Variants in PIK3CD observed in about 807,000 individuals in gnomAD.
PIK3CD encodes the protein phosphatidylinositol 4,5-bisphosphate 3-kinase catalytic subunit delta isoform.
Under a neutral mutation model 122.9 loss-of-function variants are expected in PIK3CD, and 20 were observed. The observed-to-expected ratio is 0.16, with a 90% CI of 0.11 to 0.24. PIK3CD has a LOEUF of 0.24. Ranked by LOEUF, PIK3CD falls within the 10% of genes least tolerant of loss-of-function variation. The probability of loss-of-function intolerance (pLI) is 1.00; values close to 1 mark genes in which losing one functional copy is unlikely to be tolerated. For missense variants in PIK3CD, 787 were observed against 1,406.3 expected (o/e 0.56, Z 7.04); for synonymous variants, 596 against 593.4 (o/e 1.00, Z -0.06).
chr1:9,722,400 G>A lies in PIK3CD; in HGVS notation c.2347+44G>A, dbSNP rs772407369. ...CACACCCCGCCTGTACTGCCCTGGG[G>A]GGTCCTGGGGTGCTCCTAGAGTGGG... On this transcript the variant is annotated intron_variant, in intron 18 of 23. Coordinates refer to ENST00000377346, the MANE Select transcript of PIK3CD (RefSeq NM_005026.5). This position sits in a 1 kb window ranked among gnomAD's most constrained non-coding sequence, Gnocchi z 7.6. 4.5e-6 allele frequency: 7 copies of A among 1,569,282 alleles called. No homozygotes were observed. In the African/African-American group the frequency reaches 6.8e-5, roughly 15 times the overall value.
intron 1 of PIK3CD, chr1:9,680,846 A>G (rs1645721350): frequency 6.6e-6 from 1 of 152,232 alleles, no homozygotes; most frequent in Admixed American, 6.5e-5. Flanking sequence ...CACTTGGCAG[A>G]CTGAACAGCA....
At chr1:9,709,699 G>GT (rs1180029133) in intron 2 of PIK3CD, among the ~76,000 whole-genome samples, 4 of 151,262 alleles carry the variant, frequency 2.6e-5, no homozygotes, top group Non-Finnish European at 5.9e-5. Context: ...GTGAGACCCT[G>GT]TTTCAAAAAA....
intron 2 of PIK3CD, among the ~76,000 whole-genome samples, chr1:9,707,741 C>A (rs1476820423): frequency 6.6e-6 from 1 of 151,562 alleles, no homozygotes; most frequent in Non-Finnish European, 1.5e-5. Context: ...AGAGATAAAA[C>A]GAATGAACTA....
chr1:9,631,345 C>T, the PIK3CD span, among the ~76,000 whole-genome samples: 1 of 152,180 alleles, frequency 6.6e-6, no homozygotes, highest in Non-Finnish European at 1.5e-5. Context: ...GGGTACATGA[C>T]AAAGGATTAC....
intron 3 of PIK3CD, among the ~76,000 whole-genome samples, chr1:9,712,054 G>A (rs1425808948): frequency 2.2e-4 from 34 of 151,598 alleles, no homozygotes; most frequent in Admixed American, 2.1e-3. Context: ...CCACCACCAC[G>A]CCCGGCTAAT....
intron 2 of PIK3CD, among the ~76,000 whole-genome samples, chr1:9,695,782 C>T (rs1485932231): frequency 6.7e-6 from 1 of 149,824 alleles, no homozygotes; most frequent in Non-Finnish European, 1.5e-5. Context: ...GCGGAGGCTG[C>T]AGTGAGCCGA....
chr1:9,647,447 T>C (rs1644618932), upstream of PIK3CD, among the ~76,000 whole-genome samples: 2 of 150,126 alleles, frequency 1.3e-5, no homozygotes, highest in African/African-American at 4.9e-5. Context: ...ACAACAAATC[T>C]AGTTTACAGA....
the PIK3CD span, among the ~76,000 whole-genome samples, chr1:9,637,050 A>C: frequency 1.3e-5 from 2 of 152,018 alleles, no homozygotes; most frequent in South Asian, 4.1e-4. Flanking sequence ...GGCGCCCGCC[A>C]CCACGCCCGG....
chr1:9,662,855 A>G (rs1645047615), intron 1 of PIK3CD, among the ~76,000 whole-genome samples: 1 of 151,872 alleles, frequency 6.6e-6, no homozygotes, highest in Admixed American at 6.6e-5. Flanking sequence ...CGCCTGGCTA[A>G]TTTTTGTATT....
chr1:9,665,655 G>A (rs1015157486), intron 1 of PIK3CD, among the ~76,000 whole-genome samples: 1 of 151,938 alleles, frequency 6.6e-6, no homozygotes. Context: ...GAAATATTCC[G>A]CAGCCAGATA....
Position 9,717,454 on chromosome 1 carries a change from A to T in PIK3CD, c.931-83A>T. ...ACCTGTGACCCTCTCACCCGCCCCC[A>T]AGTGGTCACGGGCCTCACCATAGGC... On this transcript the variant is annotated intron_variant, in intron 7 of 23. Coordinates refer to ENST00000377346, the MANE Select transcript of PIK3CD (RefSeq NM_005026.5). This position sits in a 1 kb window ranked among gnomAD's most constrained non-coding sequence, Gnocchi z 5.4. 1 of 1,339,036 alleles carries T rather than the reference A, an allele frequency of 7.5e-7. No homozygotes were observed. Among genetic ancestry groups the T allele is most frequent in the Non-Finnish European group, 1.1e-6 (1 of 930,794 alleles). The allele number at this position is 1,339,036 out of a possible 1,614,324, so 82.9% of individuals were successfully genotyped here.
chr1:9,695,853 A>AAAAAAAGAAAAG (rs1406553453), intron 2 of PIK3CD, among the ~76,000 whole-genome samples: 78 of 150,322 alleles, frequency 5.2e-4, no homozygotes, highest in African/African-American at 1.7e-3. Context: ...CAAAAAAAAA[A>AAAAAAAGAAAAG]AAAAGAAAAG....
intron 23 of PIK3CD, among the ~76,000 whole-genome samples, chr1:9,725,968 T>A (rs1649492643): frequency 6.6e-6 from 1 of 152,122 alleles, no homozygotes; most frequent in South Asian, 2.1e-4. Flanking sequence ...TCCCAGCACT[T>A]TGGGAGGCTG....
the PIK3CD span, among the ~76,000 whole-genome samples, chr1:9,644,778 G>A: frequency 6.6e-6 from 1 of 152,080 alleles, no homozygotes. Context: ...CCCCTTAGCT[G>A]CAAGAAAGTC....
Position 9,723,152 on chromosome 1 carries a change from C to G in PIK3CD, c.2454C>G (p.Thr818=). Reference sequence around the variant, plus strand: ...TGACCCCCTATGGCTGCCTCCCCACCGGGGACCGCACAGGCCTCATTGAGG... The same window carrying G: ...TGACCCCCTATGGCTGCCTCCCCACGGGGGACCGCACAGGCCTCATTGAGG... ...LRMTPYGCLP[T]GDRTGLIEVV... is the part of the protein sequence containing the mutation. Residue 818 remains threonine, a synonymous_variant, in exon 20 of 24, where the codon ACC becomes ACG. Transcript: ENST00000377346. The surrounding 1 kb of genome is among the most constrained non-coding windows in gnomAD (Gnocchi z 4.9). 1 of 1,613,736 alleles carries G rather than the reference C, an allele frequency of 6.2e-7. No individual in the cohort carries two copies. Among genetic ancestry groups the G allele is most frequent in the South Asian group, 1.1e-5 (1 of 91,086 alleles).
upstream of PIK3CD, among the ~76,000 whole-genome samples, chr1:9,650,488 G>A (rs1203762120): frequency 1.3e-5 from 2 of 151,982 alleles, no homozygotes; most frequent in African/African-American, 4.8e-5. Context: ...GCTGGGTGTC[G>A]TGGCGTGTGC....
the PIK3CD span, among the ~76,000 whole-genome samples, chr1:9,635,089 T>C: frequency 1.3e-5 from 2 of 152,130 alleles, no homozygotes; most frequent in East Asian, 3.9e-4. Flanking sequence ...GTCAGGAGTA[T>C]GAGACCAGCC....
At chr1:9,725,059 T>C (rs944188954) in intron 23 of PIK3CD, 123 bp downstream of exon 23, 4 of 1,267,180 alleles carry the variant, frequency 3.2e-6, no homozygotes, top group Non-Finnish European at 4.5e-6. Flanking sequence ...GTGTGCCTCA[T>C]GCCGTCCCAG....
At chr1:9,667,008 C>T (rs934195800) in intron 1 of PIK3CD, among the ~76,000 whole-genome samples, 11 of 152,138 alleles carry the variant, frequency 7.2e-5, no homozygotes, top group African/African-American at 2.4e-4. Flanking sequence ...GGACTACAGG[C>T]GTACACCGCC....
Sources: gnomAD v4.1 joint callset for allele counts (sites outside exome capture counted in the v4.1 genomes callset) on GRCh38, gnomAD v4.1.1 for gene constraint, Gnocchi (gnomAD v3.1) non-coding constraint, MANE v1.5 for transcripts, NCBI Gene and HGNC (gene_info 2026-07-23, HGNC 2026-07-21) for gene names.